The following BLVRA variants were observed in gnomAD, a reference collection of about 807,000 sequenced individuals.
BLVRA encodes the protein biliverdin reductase A.
A neutral mutation model predicts 32.8 loss-of-function variants in BLVRA; 22 were observed. The ratio of observed to expected loss-of-function variants is 0.67; its 90% CI spans 0.48 to 0.96. The LOEUF (loss-of-function observed/expected upper bound fraction) is 0.96, where lower values mean the gene tolerates loss of function less well. Ranked by LOEUF, BLVRA falls within the 40% of genes least tolerant of loss-of-function variation. The pLI, the probability that BLVRA is intolerant of heterozygous loss-of-function variation, is 0.00. For missense variants in BLVRA, 323 were observed against 358.1 expected (o/e 0.90, Z 0.79); for synonymous variants, 119 against 141.3 (o/e 0.84, Z 1.12).
chr7:43,788,407 G>A (rs1316774906), intron 3 of BLVRA, among the ~76,000 whole-genome samples: 5 of 152,190 alleles, frequency 3.3e-5, no homozygotes, highest in African/African-American at 4.8e-5. Flanking sequence ...GGCTCTACAT[G>A]TGATATTTCC....
chr7:43,778,898 T>C (rs2095765122), intron 2 of BLVRA, among the ~76,000 whole-genome samples: 1 of 152,278 alleles, frequency 6.6e-6, no homozygotes, highest in Middle Eastern at 3.2e-3. Flanking sequence ...CCTTGCAGTT[T>C]GATCTCAGAC....
intron 2 of BLVRA, among the ~76,000 whole-genome samples, chr7:43,786,954 A>G (rs1049698630): frequency 4.0e-5 from 6 of 151,506 alleles, no homozygotes; most frequent in Non-Finnish European, 7.4e-5. Flanking sequence ...ATAGAGTCTC[A>G]CTCTGTCACC....
chr7:43,785,497 T>C (rs1563544314), intron 2 of BLVRA, among the ~76,000 whole-genome samples: 1 of 152,166 alleles, frequency 6.6e-6, no homozygotes, highest in Non-Finnish European at 1.5e-5. Context: ...CCCTTTTATA[T>C]GTGAAGTCCA....
intron 2 of BLVRA, among the ~76,000 whole-genome samples, chr7:43,772,485 C>A (rs2095755702): frequency 6.6e-6 from 1 of 152,236 alleles, no homozygotes; most frequent in Admixed American, 6.5e-5. Flanking sequence ...GCAGCTTCCC[C>A]CCTGCCCCAG....
chr7:43,758,564 T>C, upstream of BLVRA: 1 of 154,018 alleles, frequency 6.5e-6, no homozygotes. Context: ...GGACCCTCCC[T>C]CCCCTTCCGT....
chr7:43,792,394 G>A (rs1671167512), intron 4 of BLVRA, among the ~76,000 whole-genome samples: 1 of 152,156 alleles, frequency 6.6e-6, no homozygotes, highest in South Asian at 2.1e-4. Flanking sequence ...GCTACCATGT[G>A]GTGATAGGAA....
At chr7:43,770,158 G>A (rs1461821014) in intron 1 of BLVRA, among the ~76,000 whole-genome samples, 1 of 152,130 alleles carries the variant, frequency 6.6e-6, no homozygotes, top group Non-Finnish European at 1.5e-5. Flanking sequence ...GCTAGGAGTG[G>A]TCATCGTCAT....
chr7:43,771,736 G>T (rs17245869), intron 2 of BLVRA, among the ~76,000 whole-genome samples: 22,034 of 152,172 alleles, frequency 0.14, 2,154 homozygotes, highest in Non-Finnish European at 0.21. Flanking sequence ...CCCACAAGAG[G>T]GGGGTCTTGG....
At chr7:43,767,909 A>C (rs1263383311) in intron 1 of BLVRA, among the ~76,000 whole-genome samples, 1 of 152,140 alleles carries the variant, frequency 6.6e-6, no homozygotes, top group Non-Finnish European at 1.5e-5. Flanking sequence ...GACTCAGGGC[A>C]GTTTCTTCTG....
At chr7:43,803,636 C>G in intron 6 of BLVRA, 40 bp from the exon 7 acceptor site, 1 of 1,281,412 alleles carries the variant, frequency 7.8e-7, no homozygotes, top group South Asian at 1.2e-5. Flanking sequence ...ACTTGGCATT[C>G]CTGCTTCCCA....
intron 5 of BLVRA, among the ~76,000 whole-genome samples, chr7:43,797,855 G>A (rs964617013): frequency 6.6e-6 from 1 of 151,998 alleles, no homozygotes; most frequent in Non-Finnish European, 1.5e-5. Flanking sequence ...TATATCTGAT[G>A]TTTCTTCATG....
chr7:43,807,322 AAC>A lies in BLVRA; in HGVS notation c.*89_*90del, dbSNP rs1386136136. On this transcript the variant is annotated 3_prime_UTR_variant, in exon 8 of 8. Transcript: ENST00000265523. Reference sequence around the variant, plus strand: ...ACCATTATCTCTATTCTTAAAATTAAACATGTTGGGGAAACAAGAATCTTATT... The same window carrying A: ...ACCATTATCTCTATTCTTAAAATTAAATGTTGGGGAAACAAGAATCTTATT... The A allele has an allele frequency of 2.4e-5, 38 of 1,571,544 alleles. No individual in the cohort carries two copies. Among genetic ancestry groups the A allele is most frequent in the Non-Finnish European group, 3.2e-5 (37 of 1,155,570 alleles).
rs190484093 is a variant in BLVRA at position 43,780,000 on chromosome 7, A to G, written c.13-7904A>G. ...GCGATTCTCCCACCTCAGCCTACCA[A>G]GTAGCTGGGATTACAGGAGCACCAC... On this transcript the variant is annotated intron_variant, in intron 2 of 7. Coordinates refer to ENST00000265523, the MANE Select transcript of BLVRA (RefSeq NM_000712.4). Among the ~76,000 whole-genome samples the G allele has an allele frequency of 8.1e-4, 123 of 151,918 alleles. 1 individual carries two copies. The highest frequency in any genetic ancestry group is 2.8e-3 in the African/African-American group (114 of 41,404).
chr7:43,791,421 A>C, intron 4 of BLVRA, 53 bp downstream of exon 4: 2 of 1,605,886 alleles, frequency 1.2e-6, no homozygotes, highest in Non-Finnish European at 1.7e-6. Flanking sequence ...CAGTACTGCA[A>C]AAATGAGCAA....
At chr7:43,798,854 C>T (rs1451207003) in intron 5 of BLVRA, among the ~76,000 whole-genome samples, 8 of 151,810 alleles carry the variant, frequency 5.3e-5, no homozygotes, top group South Asian at 2.1e-4. Context: ...ATTGAGTGAA[C>T]GACAGGAAAA....
At chr7:43,799,109 C>T (rs1366723995) in intron 5 of BLVRA, among the ~76,000 whole-genome samples, 1 of 152,158 alleles carries the variant, frequency 6.6e-6, no homozygotes, top group Non-Finnish European at 1.5e-5. Flanking sequence ...ACAAGAAGTT[C>T]CTTTTGCCAC....
chr7:43,793,668 G>A (rs2095788659), intron 5 of BLVRA, among the ~76,000 whole-genome samples: 1 of 147,308 alleles, frequency 6.8e-6, no homozygotes, highest in Non-Finnish European at 1.5e-5. Flanking sequence ...GTGTCACCCA[G>A]GCTGGAGTTC....
intron 5 of BLVRA, 56 bp from the exon 6 acceptor site, chr7:43,800,409 T>A: frequency 6.7e-7 from 1 of 1,495,464 alleles, no homozygotes; most frequent in Non-Finnish European, 9.3e-7. Flanking sequence ...CCCTCTGGGA[T>A]GCACACCTAG....
intron 6 of BLVRA, 70 bp downstream of exon 6, chr7:43,800,642 T>C: frequency 7.4e-7 from 1 of 1,348,588 alleles, no homozygotes; most frequent in East Asian, 2.3e-5. Flanking sequence ...CCTGGCTCTC[T>C]GGGATGGGAG....
Sources: allele counts gnomAD v4.1 joint callset (sites outside exome capture counted in the v4.1 genomes callset), GRCh38; gene constraint gnomAD v4.1.1; transcripts MANE v1.5; gene names NCBI Gene and HGNC (gene_info 2026-07-23, HGNC 2026-07-21).